ATP6V0D1: variants seen among roughly 807,000 people sequenced by gnomAD.
ATP6V0D1 encodes V-type proton ATPase subunit d 1.
Under a neutral mutation model 39.0 loss-of-function variants are expected in ATP6V0D1, and 13 were observed. That is an observed-to-expected ratio of 0.33 (90% CI 0.22 to 0.53). The LOEUF (loss-of-function observed/expected upper bound fraction) is 0.53, where lower values mean the gene tolerates loss of function less well. Ranked by LOEUF, ATP6V0D1 falls within the 20% of genes least tolerant of loss-of-function variation. The pLI, the probability that ATP6V0D1 is intolerant of heterozygous loss-of-function variation, is 0.94. For synonymous variants in ATP6V0D1, 191 were observed against 191.2 expected (o/e 1.00, Z 0.01); for missense variants, 272 against 470.9 (o/e 0.58, Z 3.91).
intron 2 of ATP6V0D1, chr16:67,446,071 C>T: frequency 2.5e-6 from 1 of 405,366 alleles, no homozygotes; most frequent in South Asian, 1.7e-5. Context: ...TGCCCTGTGA[C>T]AGGACCTTGT....
intron 1 of ATP6V0D1, among the ~76,000 whole-genome samples, chr16:67,462,940 C>A (rs2041300658): frequency 6.6e-6 from 1 of 152,098 alleles, no homozygotes; most frequent in Non-Finnish European, 1.5e-5. Flanking sequence ...TCCACACGCA[C>A]AGCCATCTTC....
chr16:67,459,277 CCAG>C (rs1331915530), intron 1 of ATP6V0D1: 1 of 985,348 alleles, frequency 1.0e-6, no homozygotes, highest in African/African-American at 1.7e-5. Flanking sequence ...AGACACACCC[CCAG>C]CCTGGAAAGT....
chr16:67,468,482 G>T (rs1008137995), intron 1 of ATP6V0D1, among the ~76,000 whole-genome samples: 1 of 151,890 alleles, frequency 6.6e-6, no homozygotes, highest in Non-Finnish European at 1.5e-5. Flanking sequence ...TACATACTTG[G>T]GGGGCTGAGT....
chr16:67,453,280 A>G lies in ATP6V0D1; in HGVS notation c.302+264T>C, dbSNP rs1405881915. Among the ~76,000 whole-genome samples the G allele has an allele frequency of 6.6e-6, 1 of 152,184 alleles. No homozygotes were observed. The highest frequency in any genetic ancestry group is 6.5e-5 in the Admixed American group (1 of 15,278). ...CGTGGGACACTCTTGCCTGCCCATC[A>G]TATCTTCAGCCAGTAGTGAACGTGC... On this transcript the variant is annotated intron_variant, in intron 2 of 7. Transcript: ENST00000290949. The surrounding 1 kb of genome is among the most constrained non-coding windows in gnomAD (Gnocchi z 4.1).
chr16:67,442,316 C>A (rs951274564), intron 4 of ATP6V0D1, among the ~76,000 whole-genome samples: 1 of 152,220 alleles, frequency 6.6e-6, no homozygotes, highest in African/African-American at 2.4e-5. Context: ...ATCCTCAGCC[C>A]TGCTTTGGGG....
At chr16:67,480,602 C>T (rs1597587637) in intron 1 of ATP6V0D1, among the ~76,000 whole-genome samples, 1 of 152,116 alleles carries the variant, frequency 6.6e-6, no homozygotes, top group South Asian at 2.1e-4. Flanking sequence ...AGGGTTGCTA[C>T]GCGACAGCTC....
At chr16:67,470,543 T>C (rs2041364410) in intron 1 of ATP6V0D1, among the ~76,000 whole-genome samples, 1 of 152,220 alleles carries the variant, frequency 6.6e-6, no homozygotes, top group Non-Finnish European at 1.5e-5. Flanking sequence ...CTGGCAGGAC[T>C]TGTGGGCAGA....
intron 1 of ATP6V0D1, among the ~76,000 whole-genome samples, chr16:67,475,435 TA>T (rs1292808555): frequency 2.0e-5 from 3 of 152,262 alleles, no homozygotes; most frequent in East Asian, 3.9e-4. Flanking sequence ...TAGAGAGGGA[TA>T]AAAGTGTTCT....
intron 1 of ATP6V0D1, among the ~76,000 whole-genome samples, chr16:67,468,535 TTG>T (rs1207542272): frequency 6.8e-6 from 1 of 147,766 alleles, no homozygotes; most frequent in African/African-American, 2.5e-5. Flanking sequence ...CTGCGGTGAG[TTG>T]TGTTTGGGTC....
intron 3 of ATP6V0D1, chr16:67,443,405 AAGGAGGC>A (rs2041076924): frequency 1.9e-6 from 1 of 538,914 alleles, no homozygotes; most frequent in Non-Finnish European, 3.3e-6. Context: ...TTGATTTATA[AAGGAGGC>A]AGCTAGCCAT....
At chr16:67,438,910 C>T (rs1567532295) in intron 6 of ATP6V0D1, 40 bp from the exon 7 acceptor site, 1 of 1,613,132 alleles carries the variant, frequency 6.2e-7, no homozygotes, top group Non-Finnish European at 8.5e-7. Context: ...CATGAGGGTT[C>T]TGGGTGGGGG....
rs149162521 is a variant in ATP6V0D1, at chr16:67,442,192, T to C, written c.561+907A>G. Among the ~76,000 whole-genome samples the C allele has an allele frequency of 1.9e-3, 286 of 152,368 alleles. 1 individual carries two copies. The highest frequency in any genetic ancestry group is 4.4e-3 in the Admixed American group (68 of 15,312). On this transcript the variant is annotated intron_variant, in intron 4 of 7. Transcript: ENST00000290949. ...CTGGCCCAGGCCCCTGCAGGGAGAT[T>C]GGCAGGCCTGGGCTCAGGCTGCAGC...
At chr16:67,448,529 G>A (rs770919639) in intron 2 of ATP6V0D1, among the ~76,000 whole-genome samples, 17 of 150,820 alleles carry the variant, frequency 1.1e-4, no homozygotes, top group African/African-American at 1.7e-4. Context: ...GTGTGGTGGC[G>A]CACACCTGTA....
intron 1 of ATP6V0D1, among the ~76,000 whole-genome samples, chr16:67,471,167 T>C (rs1301380074): frequency 1.3e-5 from 2 of 152,206 alleles, no homozygotes; most frequent in Non-Finnish European, 1.5e-5. Flanking sequence ...GTAATTAGCA[T>C]ATCCATCAAC....
Position 67,447,761 on chromosome 16 carries a change from G to GC in ATP6V0D1, c.303-3056dup, listed in dbSNP as rs945249504. 2.4e-4 allele frequency among the ~76,000 whole-genome samples: 36 copies of GC among 152,322 alleles called. No homozygotes were observed. The highest frequency in any genetic ancestry group is 8.2e-4 in the African/African-American group (34 of 41,568). On this transcript the variant is annotated intron_variant, in intron 2 of 7. Coordinates refer to ENST00000290949, the MANE Select transcript of ATP6V0D1 (RefSeq NM_004691.5). This position sits in a 1 kb window ranked among gnomAD's most constrained non-coding sequence, Gnocchi z 4.1. ...GCCTTCAGAGTCCCTAGCCAACTCT[G>GC]CCCCTCTGCTGCGCCCTTTGGTGCC...
chr16:67,452,502 CA>C, intron 2 of ATP6V0D1: 1 of 1,118,958 alleles, frequency 8.9e-7, no homozygotes, highest in Non-Finnish European at 1.3e-6. Context: ...GCAGGTGTGC[CA>C]GGTCCCAAGG....
intron 1 of ATP6V0D1, among the ~76,000 whole-genome samples, chr16:67,458,729 G>T (rs959479521): frequency 6.6e-6 from 1 of 152,146 alleles, no homozygotes; most frequent in Non-Finnish European, 1.5e-5. Flanking sequence ...TCTGCTGTCT[G>T]ACCTGAACCC....
At chr16:67,443,075 C>G in intron 4 of ATP6V0D1, 24 bp downstream of exon 4, 1 of 1,612,464 alleles carries the variant, frequency 6.2e-7, no homozygotes, top group Non-Finnish European at 8.5e-7. Context: ...AGGCCAATCC[C>G]CCATGGCTTG....
intron 1 of ATP6V0D1, among the ~76,000 whole-genome samples, chr16:67,480,146 C>G (rs898461432): frequency 7.5e-6 from 1 of 133,014 alleles, no homozygotes; most frequent in Non-Finnish European, 1.5e-5. Context: ...TTGCAGTGAG[C>G]CGAGATCCCG....
Sources: allele counts gnomAD v4.1 joint callset (sites outside exome capture counted in the v4.1 genomes callset), GRCh38; gene constraint gnomAD v4.1.1; non-coding constraint Gnocchi (gnomAD v3.1); transcripts MANE v1.5; gene names NCBI Gene and HGNC (gene_info 2026-07-23, HGNC 2026-07-21).